The following CLDN11 variants were observed in gnomAD, a reference collection of about 807,000 sequenced individuals.
CLDN11 encodes claudin-11.
A neutral mutation model predicts 18.0 loss-of-function variants in CLDN11; 1 was observed. The observed-to-expected ratio is 0.06, with a 90% confidence interval of 0.02 to 0.26. CLDN11 has a LOEUF of 0.26. Ranked by LOEUF, CLDN11 falls within the 10% of genes least tolerant of loss-of-function variation. The pLI is 1.00. For missense variants in CLDN11, 172 were observed against 276.6 expected (o/e 0.62, Z 2.68); for synonymous variants, 116 against 121.5 (o/e 0.96, Z 0.30).
chr3:170,424,038 A>AAG (rs1553860128), intron 2 of CLDN11, among the ~76,000 whole-genome samples: 1 of 119,198 alleles, frequency 8.4e-6, no homozygotes, highest in Non-Finnish European at 1.7e-5. Context: ...AAAAAAAAAA[A>AAG]GAAAAAGAAA....
In CLDN11 at chr3:170,434,145, T is replaced by A. The variant is rs1289684639; in HGVS notation, c.*1389T>A. 1 of 152,478 alleles carries A rather than the reference T, an allele frequency of 6.6e-6. No individual in the cohort carries two copies. Among genetic ancestry groups the A allele is most frequent in the Non-Finnish European group, 1.5e-5 (1 of 68,040 alleles). The allele number at this position is 152,478 out of a possible 1,614,324, so 9.4% of individuals were successfully genotyped here. ...GTATCCAGAGGTATCATTATTGATTTAAAAAAATCTCATTAATCTCTACTG... is the reference window on the plus strand; with the variant it reads ...GTATCCAGAGGTATCATTATTGATTAAAAAAAATCTCATTAATCTCTACTG... On this transcript the variant is annotated 3_prime_UTR_variant, in exon 3 of 3. Transcript: ENST00000064724.
At chr3:170,429,186 C>T (rs1049398385) in intron 2 of CLDN11, among the ~76,000 whole-genome samples, 3 of 152,100 alleles carry the variant, frequency 2.0e-5, no homozygotes, top group Non-Finnish European at 4.4e-5. Flanking sequence ...ATTTTGGGTT[C>T]AATTGAAGGT....
In CLDN11 at chr3:170,419,795, G is replaced by T. The variant is rs1425574147; in HGVS notation, c.226+503G>T. Among the ~76,000 whole-genome samples, 4 of 152,280 alleles carry T rather than the reference G, an allele frequency of 2.6e-5. No homozygotes were observed. Among genetic ancestry groups the T allele is most frequent in the Admixed American group, 1.3e-4 (2 of 15,294 alleles). On this transcript the variant is annotated intron_variant, in intron 1 of 2. Coordinates refer to ENST00000064724, the MANE Select transcript of CLDN11 (RefSeq NM_005602.6). This position sits in a 1 kb window ranked among gnomAD's most constrained non-coding sequence, Gnocchi z 8.6. ...TCATGGGATGGGCGAAGCGCCCCCG[G>T]CCAGGTTAGAGCCCTCCTAGCTCCG...
chr3:170,418,901 C>T lies in CLDN11; in HGVS notation c.-166C>T. Reference sequence around the variant, plus strand: ...TGTCCCCGCCGTGCGCCCTTCGCCGCTGAGCTCGCAGCCTCCGGCGCCCAC... The same window carrying T: ...TGTCCCCGCCGTGCGCCCTTCGCCGTTGAGCTCGCAGCCTCCGGCGCCCAC... On this transcript the variant is annotated 5_prime_UTR_variant, in exon 1 of 3. Transcript: ENST00000064724. The surrounding 1 kb of genome is among the most constrained non-coding windows in gnomAD (Gnocchi z 4.3). The T allele has an allele frequency of 1.7e-6, 1 of 582,762 alleles. No homozygotes were observed. The highest frequency in any genetic ancestry group is 4.6e-4 in the Middle Eastern group (1 of 2,186). 36.1% of individuals were successfully genotyped at this position (582,762 alleles called of 1,614,324 possible). A position where few individuals can be genotyped will look rare whatever the true frequency, so the allele number is the denominator to read the frequency against.
At chr3:170,420,064 G>C (rs1296511463) in intron 1 of CLDN11, among the ~76,000 whole-genome samples, 1 of 152,232 alleles carries the variant, frequency 6.6e-6, no homozygotes, top group Non-Finnish European at 1.5e-5. Flanking sequence ...TACGGAGCGC[G>C]CCGCCGAGGG....
At position 170,419,535 on chromosome 3, in the gene CLDN11, G is replaced by T. The variant is rs1738669327; in HGVS notation, c.226+243G>T. Among the ~76,000 whole-genome samples the T allele has an allele frequency of 6.6e-6, 1 of 152,166 alleles. No individual in the cohort carries two copies. The highest frequency in any genetic ancestry group is 1.5e-5 in the Non-Finnish European group (1 of 68,032). ...ATGTGGCCGGTGGTAACACTGGCCGGGTCCCTTTGAGAATGAACAAACCGG... is the reference window on the plus strand; with the variant it reads ...ATGTGGCCGGTGGTAACACTGGCCGTGTCCCTTTGAGAATGAACAAACCGG... On this transcript the variant is annotated intron_variant, in intron 1 of 2. Coordinates refer to ENST00000064724, the MANE Select transcript of CLDN11 (RefSeq NM_005602.6). This position sits in a 1 kb window ranked among gnomAD's most constrained non-coding sequence, Gnocchi z 8.6.
chr3:170,430,243 G>C (rs774895359), intron 2 of CLDN11, among the ~76,000 whole-genome samples: 3 of 152,188 alleles, frequency 2.0e-5, no homozygotes, highest in Non-Finnish European at 4.4e-5. Flanking sequence ...TCTGTGTCTT[G>C]CTGAAAGTAG....
chr3:170,419,038 C>T lies in CLDN11; in HGVS notation c.-29C>T, dbSNP rs1274185290. On this transcript the variant is annotated 5_prime_UTR_variant, in exon 1 of 3. Coordinates refer to ENST00000064724, the MANE Select transcript of CLDN11 (RefSeq NM_005602.6). The surrounding 1 kb of genome is among the most constrained non-coding windows in gnomAD (Gnocchi z 8.6). ...CAGGCCCAGGCACAGCCGTGAGGGG[C>T]GAGGCACGGGGACATCCTGGCGGCC... 1.3e-6 allele frequency: 2 copies of T among 1,498,154 alleles called. No individual in the cohort carries two copies. The highest frequency in any genetic ancestry group is 1.8e-6 in the Non-Finnish European group (2 of 1,100,706). The allele number at this position is 1,498,154 out of a possible 1,614,324, so 92.8% of individuals were successfully genotyped here. A position where few individuals can be genotyped will look rare whatever the true frequency, so the allele number is the denominator to read the frequency against.
rs188703062 is a variant in CLDN11 at position 170,434,086 on chromosome 3, G to A, written c.*1330G>A. ...GTGAAATCTGTGCAATAAAATAACA[G>A]ACTGTCTGCAAAACTGGCCTTCAAT... On this transcript the variant is annotated 3_prime_UTR_variant, in exon 3 of 3. Coordinates refer to ENST00000064724, the MANE Select transcript of CLDN11 (RefSeq NM_005602.6). 3 of 152,690 alleles carry A rather than the reference G, an allele frequency of 2.0e-5. No homozygotes were observed. Among genetic ancestry groups the A allele is most frequent in the East Asian group, 3.9e-4 (2 of 5,190 alleles). 9.5% of individuals were successfully genotyped at this position (152,690 alleles called of 1,614,324 possible).
In CLDN11 at chr3:170,421,194, C is replaced by G. The variant is rs980913424; in HGVS notation, c.226+1902C>G. On this transcript the variant is annotated intron_variant, in intron 1 of 2. Transcript: ENST00000064724. ...GCGGCGCTAGTCCTTCCTGCCTTCC[C>G]CCTCCCTCATACTTTGGGTGGAGGC... 26 of 723,546 alleles carry G rather than the reference C, an allele frequency of 3.6e-5. No homozygotes were observed. In the African/African-American group the frequency reaches 5.0e-4, roughly 14 times the overall value. The allele number at this position is 723,546 out of a possible 1,614,324, so 44.8% of individuals were successfully genotyped here. A position where few individuals can be genotyped will look rare whatever the true frequency, so the allele number is the denominator to read the frequency against.
At chr3:170,420,046 T>C (rs150617138) in intron 1 of CLDN11, among the ~76,000 whole-genome samples, 2,994 of 152,252 alleles carry the variant, frequency 0.02, 35 homozygotes, top group Non-Finnish European at 0.03. Context: ...CGGACTCCAC[T>C]GGGGAGATAC....
chr3:170,424,807 G>C (rs1738806630), intron 2 of CLDN11, among the ~76,000 whole-genome samples: 1 of 152,120 alleles, frequency 6.6e-6, no homozygotes, highest in Non-Finnish European at 1.5e-5. Flanking sequence ...CCATCTGGAG[G>C]CCTCACACTC....
intron 2 of CLDN11, among the ~76,000 whole-genome samples, chr3:170,424,245 C>T (rs1209081731): frequency 2.0e-5 from 3 of 151,996 alleles, no homozygotes; most frequent in Admixed American, 2.0e-4. Flanking sequence ...ACTTGGAAAC[C>T]TCAATAGAAT....
chr3:170,423,359 A>G lies in CLDN11; in HGVS notation c.391+32A>G, dbSNP rs758289501. 3.7e-6 allele frequency: 6 copies of G among 1,604,340 alleles called. No individual in the cohort carries two copies. In the African/African-American group the frequency reaches 8.0e-5, roughly 21 times the overall value. On this transcript the variant is annotated intron_variant, in intron 2 of 2. Coordinates refer to ENST00000064724, the MANE Select transcript of CLDN11 (RefSeq NM_005602.6). The stretch of plus-strand genomic sequence containing the variant: ...CAGCTTTCTCAGTGGTACCCTACCT[A>G]TGAGGGAGCCTGATGAATCTCAGAT...
intron 2 of CLDN11, 174 bp downstream of exon 2, chr3:170,423,501 G>A (rs76073630): frequency 0.022 from 13,743 of 634,086 alleles, 240 homozygotes; most frequent in East Asian, 0.066. Flanking sequence ...AGTTTACACA[G>A]AGGGCTAAGT....
At chr3:170,421,367 G>GGCGGACGGCTCT (rs1738720111) in intron 1 of CLDN11, 2 of 920,544 alleles carry the variant, frequency 2.2e-6, no homozygotes, top group Non-Finnish European at 2.6e-6. Context: ...AAGCCGCAGA[G>GGCGGACGGCTCT]GCGGACGGCT....
chr3:170,429,326 GTAAAGAGCCTGC>G (rs1318202702), intron 2 of CLDN11, among the ~76,000 whole-genome samples: 1 of 152,160 alleles, frequency 6.6e-6, no homozygotes, highest in Non-Finnish European at 1.5e-5. Flanking sequence ...CTCCTAGGAA[GTAAAGAGCCTGC>G]TGGCACTCAT....
rs34713746 is a variant in CLDN11 at position 170,428,140 on chromosome 3, CAAAA to C, written c.392-4370_392-4367del. ...CCAGCCTGGGTGACAGATATCCTATCAAAAAAAAAAAAAAAAAGATTTATTGGAA... is the reference window on the plus strand; with the variant it reads ...CCAGCCTGGGTGACAGATATCCTATCAAAAAAAAAAAAAGATTTATTGGAA... On this transcript the variant is annotated intron_variant, in intron 2 of 2. Coordinates refer to ENST00000064724, the MANE Select transcript of CLDN11 (RefSeq NM_005602.6). 1.1e-4 allele frequency among the ~76,000 whole-genome samples: 12 copies of C among 106,920 alleles called. No homozygotes were observed. The East Asian group carries it at 1.9e-3, about 17-fold the overall frequency. 70.1% of individuals were successfully genotyped at this position (106,920 alleles called of 152,430 possible).
intron 1 of CLDN11, chr3:170,421,313 A>G: frequency 3.0e-6 from 3 of 985,846 alleles, no homozygotes; most frequent in African/African-American, 1.7e-5. Flanking sequence ...CAGAACCTGC[A>G]TTGCCAGTTG....
Sources: allele counts gnomAD v4.1 joint callset (sites outside exome capture counted in the v4.1 genomes callset), GRCh38; gene constraint gnomAD v4.1.1; non-coding constraint Gnocchi (gnomAD v3.1); transcripts MANE v1.5; gene names NCBI Gene and HGNC (gene_info 2026-07-23, HGNC 2026-07-21).